The following FCF1 variants were observed in gnomAD, a reference collection of about 807,000 sequenced individuals.
FCF1 encodes the protein rRNA-processing protein FCF1 homolog.
Under a neutral mutation model 32.5 loss-of-function variants are expected in FCF1, and 17 were observed. The observed-to-expected ratio is 0.52, with a 90% CI of 0.36 to 0.78. FCF1 has a LOEUF of 0.78. Among genes scored for constraint, FCF1 ranks in the 30% least tolerant of loss-of-function variants. The probability of loss-of-function intolerance (pLI) is 0.00; values close to 1 mark genes in which losing one functional copy is unlikely to be tolerated. For synonymous variants in FCF1, 84 were observed against 78.4 expected (o/e 1.07, Z -0.38); for missense variants, 201 against 241.1 (o/e 0.83, Z 1.10).
intron 4 of FCF1, among the ~76,000 whole-genome samples, chr14:74,721,659 TG>T (rs2090505501): frequency 6.6e-6 from 1 of 152,146 alleles, no homozygotes; most frequent in South Asian, 2.1e-4. Context: ...CACTCCAGCC[TG>T]GGCAACAAAG....
chr14:74,718,363 C>G (rs1353822104), intron 4 of FCF1, among the ~76,000 whole-genome samples: 4 of 152,118 alleles, frequency 2.6e-5, no homozygotes, highest in Non-Finnish European at 4.4e-5. Flanking sequence ...AGTGGTTTTC[C>G]TGAGCCTGCT....
chr14:74,716,224 CACCATAGCAGTG>C, intron 4 of FCF1, 125 bp downstream of exon 4: 3 of 897,624 alleles, frequency 3.3e-6, no homozygotes, highest in Non-Finnish European at 5.3e-6. Flanking sequence ...TTACAGTGGT[CACCATAGCAGTG>C]ACCATGTTTA....
chr14:74,730,333 C>T (rs1419170418), intron 5 of FCF1, among the ~76,000 whole-genome samples: 2 of 151,248 alleles, frequency 1.3e-5, no homozygotes, highest in African/African-American at 4.9e-5. Context: ...CTGCTTTGGC[C>T]TCCCAAGTAG....
At chr14:74,726,279 G>A (rs1290047356) in intron 5 of FCF1, among the ~76,000 whole-genome samples, 2 of 151,592 alleles carry the variant, frequency 1.3e-5, no homozygotes, top group African/African-American at 4.8e-5. Context: ...TTGAGCCCAG[G>A]AGTTTGAGAC....
chr14:74,722,491 C>A (rs1012844981), intron 4 of FCF1, among the ~76,000 whole-genome samples: 16 of 152,168 alleles, frequency 1.1e-4, no homozygotes, highest in Non-Finnish European at 1.8e-4. Context: ...TCAGGTTCCT[C>A]ACCTATAAAA....
chr14:74,734,271 T>C (rs1242558359), intron 7 of FCF1, 101 bp downstream of exon 7: 19 of 675,412 alleles, frequency 2.8e-5, no homozygotes, highest in Admixed American at 5.2e-5. Flanking sequence ...AAGAAATTAT[T>C]GTATCAAATG....
Position 74,734,113 on chromosome 14 carries a change from T to C in FCF1, c.491T>C (p.Leu164Pro), listed in dbSNP as rs1306414591. 1.2e-6 allele frequency: 2 copies of C among 1,613,740 alleles called. No individual in the cohort carries two copies. The highest frequency in any genetic ancestry group is 2.2e-5 in the East Asian group (1 of 44,880). ...CYIVATVDRD[L>P]KRRIRKIPGV... ...ATTGTGGCCACAGTTGACCGGGACC[T>C]GAAAAGAAGAATCCGTAAGATTCCT... The change falls in exon 7 of 8, where the codon CTG (leucine) becomes CCG (proline). Residue 164 changes from leucine (L) to proline (P), a missense_variant. Leu to Pro is a moderately conservative substitution (Grantham distance 98, BLOSUM62 -3). Coordinates refer to ENST00000341162, the MANE Select transcript of FCF1 (RefSeq NM_015962.5).
chr14:74,713,354 C>T, intron 1 of FCF1, 131 bp from the exon 2 acceptor site: 2 of 1,563,828 alleles, frequency 1.3e-6, no homozygotes, highest in Non-Finnish European at 1.7e-6. Flanking sequence ...GACTGTTATG[C>T]TTTACAGAGT....
intron 4 of FCF1, among the ~76,000 whole-genome samples, chr14:74,719,927 TC>T (rs2090477838): frequency 6.6e-6 from 1 of 151,596 alleles, no homozygotes. Context: ...CTACCTGAGG[TC>T]TGGAGTTCAA....
At position 74,723,253 on chromosome 14, in the gene FCF1, G is replaced by T; in HGVS notation, c.293-19G>T. 1 of 1,597,092 alleles carries T rather than the reference G, an allele frequency of 6.3e-7. No homozygotes were observed. Among genetic ancestry groups the T allele is most frequent in the South Asian group, 1.1e-5 (1 of 90,708 alleles). On this transcript the variant is annotated intron_variant, in intron 4 of 7. Transcript: ENST00000341162. ...TCGTTACAAGTTCTGTTCTTAATGT[G>T]AATTTTTTTCCCTGGCAGGTATCCC...
At position 74,735,039 on chromosome 14, in the gene FCF1, G is replaced by A. The variant is rs2090689094; in HGVS notation, c.*109G>A. ...TTAAGGAATCAGAGAGACTGATGGA[G>A]TTCAGGGAGATATTTATTATTTAGG... On this transcript the variant is annotated 3_prime_UTR_variant, in exon 8 of 8. Transcript: ENST00000341162. 9.4e-6 allele frequency: 8 copies of A among 851,130 alleles called. No homozygotes were observed. Among genetic ancestry groups the A allele is most frequent in the Non-Finnish European group, 1.2e-5 (6 of 509,070 alleles). The allele number at this position is 851,130 out of a possible 1,614,324, so 52.7% of individuals were successfully genotyped here. A position where few individuals can be genotyped will look rare whatever the true frequency, so the allele number is the denominator to read the frequency against.
intron 7 of FCF1, 33 bp downstream of exon 7, chr14:74,734,203 A>G (rs763823531): frequency 8.1e-7 from 1 of 1,242,174 alleles, no homozygotes; most frequent in South Asian, 1.2e-5. Flanking sequence ...GGGAATAGAA[A>G]TATATAATTG....
At chr14:74,724,262 G>C (rs1481849033) in intron 5 of FCF1, among the ~76,000 whole-genome samples, 1 of 151,974 alleles carries the variant, frequency 6.6e-6, no homozygotes, top group Non-Finnish European at 1.5e-5. Flanking sequence ...ATGCCTGGTG[G>C]GTTTGGGGGG....
At position 74,730,206 on chromosome 14, in the gene FCF1, CTTT is replaced by C. The variant is rs869067896; in HGVS notation, c.366-2504_366-2502del. Reference sequence around the variant, plus strand: ...CATTGTTTATAGATATGTGTATATGCTTTTTTTTTTTTTTTTTTTTTTTAAAGA... The same window carrying C: ...CATTGTTTATAGATATGTGTATATGCTTTTTTTTTTTTTTTTTTTTAAAGA... On this transcript the variant is annotated intron_variant, in intron 5 of 7. Coordinates refer to ENST00000341162, the MANE Select transcript of FCF1 (RefSeq NM_015962.5). Among the ~76,000 whole-genome samples, 828 of 109,370 alleles carry C rather than the reference CTTT, an allele frequency of 7.6e-3. 10 individuals carry two copies. Among genetic ancestry groups the C allele is most frequent in the African/African-American group, 0.028 (783 of 28,462 alleles). The allele number at this position is 109,370 out of a possible 152,430, so 71.8% of individuals were successfully genotyped here.
intron 4 of FCF1, 24 bp downstream of exon 4, chr14:74,716,123 C>G: frequency 6.2e-7 from 1 of 1,605,534 alleles, no homozygotes; most frequent in East Asian, 2.2e-5. Context: ...TTTTATGTTT[C>G]CGTGACATTT....
intron 5 of FCF1, among the ~76,000 whole-genome samples, chr14:74,728,861 A>G (rs1016870941): frequency 1.3e-5 from 2 of 152,158 alleles, no homozygotes; most frequent in African/African-American, 4.8e-5. Context: ...TGAGATAATC[A>G]TGTGGTTTTT....
intron 4 of FCF1, among the ~76,000 whole-genome samples, chr14:74,718,586 G>A (rs1044525798): frequency 3.3e-5 from 5 of 151,872 alleles, no homozygotes; most frequent in African/African-American, 1.2e-4. Flanking sequence ...TGATTCTCCT[G>A]CCTCAGCCTC....
In FCF1 at chr14:74,735,640, C is replaced by T. The variant is rs1285139149; in HGVS notation, c.*710C>T. 1 of 150,386 alleles carries T rather than the reference C, an allele frequency of 6.6e-6. No homozygotes were observed. The highest frequency in any genetic ancestry group is 2.5e-5 in the African/African-American group (1 of 40,626). 9.3% of individuals were successfully genotyped at this position (150,386 alleles called of 1,614,324 possible). A position where few individuals can be genotyped will look rare whatever the true frequency, so the allele number is the denominator to read the frequency against. ...CTGGAGTGCAGTGGCGTGATCTGGG[C>T]TCACTGCAACCCCTGCCTCCCATCC... On this transcript the variant is annotated 3_prime_UTR_variant, in exon 8 of 8. Coordinates refer to ENST00000341162, the MANE Select transcript of FCF1 (RefSeq NM_015962.5).
chr14:74,714,970 C>A, intron 3 of FCF1, 27 bp downstream of exon 3: 1 of 1,566,614 alleles, frequency 6.4e-7, no homozygotes, highest in Non-Finnish European at 8.6e-7. Flanking sequence ...TTGAAGTTTT[C>A]CTTTAAAACC....
Sources: gnomAD v4.1 joint callset for allele counts (sites outside exome capture counted in the v4.1 genomes callset) on GRCh38, gnomAD v4.1.1 for gene constraint, MANE v1.5 for transcripts, NCBI Gene and HGNC (gene_info 2026-07-23, HGNC 2026-07-21) for gene names.